The following PARD3B variants were observed in gnomAD, a reference collection of about 807,000 sequenced individuals.
The protein encoded by PARD3B is par-3 family cell polarity regulator beta, also known as partitioning defective 3 homolog B.
In PARD3B, 103 loss-of-function variants were observed where a neutral mutation model predicts 130.2. That is an observed-to-expected ratio of 0.79 (90% CI 0.67 to 0.93). The LOEUF (loss-of-function observed/expected upper bound fraction) is 0.93, where lower values mean the gene tolerates loss of function less well. PARD3B is among the 40% of genes least tolerant of loss of function. The pLI, the probability that PARD3B is intolerant of heterozygous loss-of-function variation, is 0.00. For synonymous variants in PARD3B, 583 were observed against 553.2 expected (o/e 1.05, Z -0.76); for missense variants, 1,609 against 1,499.2 (o/e 1.07, Z -1.21).
intron 2 of PARD3B, among the ~76,000 whole-genome samples, chr2:204,941,251 A>G (rs1265352090): frequency 6.6e-6 from 1 of 152,138 alleles, no homozygotes; most frequent in Non-Finnish European, 1.5e-5. Context: ...GCACGTGCCC[A>G]TAGTCCCGGC....
chr2:204,834,570 G>T (rs1559183057), intron 2 of PARD3B, among the ~76,000 whole-genome samples: 1 of 152,158 alleles, frequency 6.6e-6, no homozygotes, highest in Non-Finnish European at 1.5e-5. Flanking sequence ...AAAATAATGA[G>T]ATTTTAGAGT....
At position 205,564,229 on chromosome 2, in the gene PARD3B, G is replaced by C. The variant is rs2053240804; in HGVS notation, c.3260+10826G>C. Among the ~76,000 whole-genome samples, 1 of 152,124 alleles carries C rather than the reference G, an allele frequency of 6.6e-6. No homozygotes were observed. The highest frequency in any genetic ancestry group is 2.1e-4 in the South Asian group (1 of 4,822). ...AGGCTGGTTGTAAACAGGTAGGAGAGACACATTACGTGACCATCCTTTCCT... is the reference window on the plus strand; with the variant it reads ...AGGCTGGTTGTAAACAGGTAGGAGACACACATTACGTGACCATCCTTTCCT... On this transcript the variant is annotated intron_variant, in intron 22 of 22. Coordinates refer to ENST00000406610, the MANE Select transcript of PARD3B (RefSeq NM_001302769.2). The surrounding 1 kb of genome is among the most constrained non-coding windows in gnomAD (Gnocchi z 4.6).
chr2:205,549,054 A>G (rs1359846687), intron 21 of PARD3B, among the ~76,000 whole-genome samples: 1 of 152,198 alleles, frequency 6.6e-6, no homozygotes, highest in Non-Finnish European at 1.5e-5. Flanking sequence ...GGAAATGGCA[A>G]AACAGCAATG....
chr2:204,871,906 A>C (rs1462119770), intron 2 of PARD3B, among the ~76,000 whole-genome samples: 1 of 152,082 alleles, frequency 6.6e-6, no homozygotes, highest in Non-Finnish European at 1.5e-5. Context: ...TTTATTCTTA[A>C]AGACAGCATG....
intron 21 of PARD3B, among the ~76,000 whole-genome samples, chr2:205,551,146 G>A (rs2052627767): frequency 6.6e-6 from 1 of 151,262 alleles, no homozygotes; most frequent in Non-Finnish European, 1.5e-5. Context: ...ATAGCTACAA[G>A]AAAAAGTTCA....
At chr2:204,597,943 T>A (rs2033364053) in intron 1 of PARD3B, among the ~76,000 whole-genome samples, 1 of 152,194 alleles carries the variant, frequency 6.6e-6, no homozygotes, top group Non-Finnish European at 1.5e-5. Flanking sequence ...GTTTAATGAT[T>A]ATGGTGCCTT....
At chr2:204,550,379 G>A (rs1024575453) in intron 1 of PARD3B, among the ~76,000 whole-genome samples, 1 of 151,388 alleles carries the variant, frequency 6.6e-6, no homozygotes, top group African/African-American at 2.4e-5. Flanking sequence ...GGTTGAATCC[G>A]CAGATGCGGA....
chr2:204,948,486 G>A (rs937538648), intron 2 of PARD3B, among the ~76,000 whole-genome samples: 1 of 152,128 alleles, frequency 6.6e-6, no homozygotes, highest in African/African-American at 2.4e-5. Context: ...TGAGACTTCC[G>A]TTTAGATTTG....
intron 4 of PARD3B, among the ~76,000 whole-genome samples, chr2:205,053,797 T>C (rs1250079678): frequency 6.6e-6 from 1 of 152,040 alleles, no homozygotes; most frequent in Non-Finnish European, 1.5e-5. Context: ...TCCATTGTTT[T>C]CCAAAGAGGA....
chr2:205,048,342 A>T, intron 4 of PARD3B: 1 of 152,214 alleles, frequency 6.6e-6, no homozygotes, highest in East Asian at 1.9e-4. Context: ...ACTTATAACT[A>T]ATAGGTTAAG....
chr2:205,399,643 C>T (rs532636289), intron 18 of PARD3B, among the ~76,000 whole-genome samples: 1 of 152,146 alleles, frequency 6.6e-6, no homozygotes, highest in African/African-American at 2.4e-5. Context: ...GCGTGAGCCA[C>T]CACACCCAGC....
At chr2:204,621,012 T>G (rs956834451) in intron 1 of PARD3B, among the ~76,000 whole-genome samples, 11 of 152,198 alleles carry the variant, frequency 7.2e-5, no homozygotes, top group African/African-American at 2.7e-4. Context: ...AATACGCTAG[T>G]GTCCTGGACA....
intron 4 of PARD3B, among the ~76,000 whole-genome samples, chr2:205,097,830 CGTGTGTGTGTGTGTGT>C (rs71939970): frequency 2.7e-5 from 4 of 150,476 alleles, no homozygotes; most frequent in African/African-American, 7.3e-5. Context: ...AATCTAGTGG[CGTGTGTGTGTGTGTGT>C]GTGTGTGTGT....
In PARD3B at chr2:205,568,527, A is replaced by G. The variant is rs2053445012; in HGVS notation, c.3260+15124A>G. Among the ~76,000 whole-genome samples the G allele has an allele frequency of 6.6e-6, 1 of 152,174 alleles. No individual in the cohort carries two copies. Among genetic ancestry groups the G allele is most frequent in the African/African-American group, 2.4e-5 (1 of 41,440 alleles). ...CTCTGGGACACTCCTGGGATTAGGA[A>G]AGCCTCTGGAAAAATTAAACTTGGT... On this transcript the variant is annotated intron_variant, in intron 22 of 22. Transcript: ENST00000406610. This position sits in a 1 kb window ranked among gnomAD's most constrained non-coding sequence, Gnocchi z 5.3.
chr2:205,473,594 G>T lies in PARD3B; in HGVS notation c.3045-26302G>T, dbSNP rs1249848414. Among the ~76,000 whole-genome samples, 2 of 150,438 alleles carry T rather than the reference G, an allele frequency of 1.3e-5. No homozygotes were observed. Among genetic ancestry groups the T allele is most frequent in the Non-Finnish European group, 3.0e-5 (2 of 67,638 alleles). On this transcript the variant is annotated intron_variant, in intron 20 of 22. Coordinates refer to ENST00000406610, the MANE Select transcript of PARD3B (RefSeq NM_001302769.2). This position sits in a 1 kb window ranked among gnomAD's most constrained non-coding sequence, Gnocchi z 4.9. ...AGCTGAAATAAAAATAAACAGGAAG[G>T]TGGCATGTACTAACTGAAATGCTTC...
intron 19 of PARD3B, among the ~76,000 whole-genome samples, chr2:205,413,888 A>C (rs1157141037): frequency 6.6e-6 from 1 of 152,168 alleles, no homozygotes; most frequent in Non-Finnish European, 1.5e-5. Context: ...AATCAGTTGA[A>C]ATTAGTTTTA....
In PARD3B at chr2:205,287,977, G is replaced by A. The variant is rs1348985997; in HGVS notation, c.2186-12553G>A. On this transcript the variant is annotated intron_variant, in intron 16 of 22. Transcript: ENST00000406610. The surrounding 1 kb of genome is among the most constrained non-coding windows in gnomAD (Gnocchi z 4.8). ...AGTTACTGGGAAACTCCAGTATGCT[G>A]TCAGATTTCACAACAACATTAAGTG... 6.6e-6 allele frequency among the ~76,000 whole-genome samples: 1 copy of A among 152,202 alleles called. No individual in the cohort carries two copies. The highest frequency in any genetic ancestry group is 1.5e-5 in the Non-Finnish European group (1 of 68,030).
chr2:205,039,834 A>G (rs542304220), intron 3 of PARD3B, among the ~76,000 whole-genome samples: 3 of 152,338 alleles, frequency 2.0e-5, no homozygotes, highest in South Asian at 2.1e-4. Context: ...CCTTACTTCT[A>G]TGCACTTACC....
At chr2:205,307,993 G>A (rs1008289734) in intron 18 of PARD3B, among the ~76,000 whole-genome samples, 1 of 152,112 alleles carries the variant, frequency 6.6e-6, no homozygotes, top group Non-Finnish European at 1.5e-5. Context: ...CTAGACTAAT[G>A]AAGAACCAAG....
Sources: allele counts gnomAD v4.1 joint callset (sites outside exome capture counted in the v4.1 genomes callset), GRCh38; gene constraint gnomAD v4.1.1; non-coding constraint Gnocchi (gnomAD v3.1); transcripts MANE v1.5; gene names NCBI Gene and HGNC (gene_info 2026-07-23, HGNC 2026-07-21).